The following CELF4 variants were observed in gnomAD, a reference collection of about 807,000 sequenced individuals.
CELF4 encodes the protein CUGBP Elav-like family member 4.
Under a neutral mutation model 59.9 loss-of-function variants are expected in CELF4, and 18 were observed. The observed-to-expected ratio is 0.30, with a 90% confidence interval of 0.21 to 0.45. The LOEUF (loss-of-function observed/expected upper bound fraction) is 0.45, where lower values mean the gene tolerates loss of function less well. Ranked by LOEUF, CELF4 falls within the 20% of genes least tolerant of loss-of-function variation. CELF4 has a pLI of 1.00. For synonymous variants in CELF4, 261 were observed against 267.1 expected (o/e 0.98, Z 0.22); for missense variants, 456 against 689.0 (o/e 0.66, Z 3.79).
At chr18:37,354,257 C>CT (rs1222906640) in intron 2 of CELF4, among the ~76,000 whole-genome samples, 1 of 152,136 alleles carries the variant, frequency 6.6e-6, no homozygotes, top group African/African-American at 2.4e-5. Flanking sequence ...GATGGCCAAA[C>CT]TAAGTCTAGG....
chr18:37,315,798 C>T (rs149935002), intron 3 of CELF4, among the ~76,000 whole-genome samples: 2,640 of 152,306 alleles, frequency 0.017, 40 homozygotes, highest in Non-Finnish European at 0.028. Flanking sequence ...GCCACTCGTC[C>T]CCTCCTTCAG....
chr18:37,419,815 G>C (rs1603638066), intron 2 of CELF4, among the ~76,000 whole-genome samples: 1 of 152,212 alleles, frequency 6.6e-6, no homozygotes, highest in African/African-American at 2.4e-5. Context: ...TCCTGTCTGG[G>C]TTAACAGCCC....
chr18:37,557,521 C>T (rs2099985160), intron 1 of CELF4, among the ~76,000 whole-genome samples: 1 of 152,190 alleles, frequency 6.6e-6, no homozygotes, highest in South Asian at 2.1e-4. Context: ...GTGGAATAGT[C>T]TAATACATCG....
intron 2 of CELF4, among the ~76,000 whole-genome samples, chr18:37,408,169 G>C (rs2099403084): frequency 1.3e-5 from 2 of 152,134 alleles, no homozygotes; most frequent in African/African-American, 4.8e-5. Flanking sequence ...TCCCATGCCA[G>C]GGTCTCCTGC....
intron 5 of CELF4, 142 bp from the exon 6 acceptor site, chr18:37,274,596 G>A: frequency 6.4e-7 from 1 of 1,552,936 alleles, no homozygotes; most frequent in Non-Finnish European, 8.6e-7. Context: ...GGGGAATGAG[G>A]TGTGAACCCC....
intron 2 of CELF4, among the ~76,000 whole-genome samples, chr18:37,390,807 A>AGGG (rs1004031145): frequency 3.5e-5 from 2 of 57,092 alleles, no homozygotes; most frequent in Admixed American, 1.8e-4. Flanking sequence ...TGGGGCGGGG[A>AGGG]GGGGGGGCAG....
intron 2 of CELF4, among the ~76,000 whole-genome samples, chr18:37,435,978 A>C (rs1603639107): frequency 6.6e-6 from 1 of 151,618 alleles, no homozygotes; most frequent in African/African-American, 2.4e-5. Flanking sequence ...GCACTCCAGG[A>C]CCCCCGCTGC....
chr18:37,405,576 T>A (rs1451108344), intron 2 of CELF4, among the ~76,000 whole-genome samples: 1 of 152,262 alleles, frequency 6.6e-6, no homozygotes, highest in East Asian at 1.9e-4. Context: ...ATCTTTGTGT[T>A]CCAAAATGCA....
intron 2 of CELF4, among the ~76,000 whole-genome samples, chr18:37,366,164 G>C (rs2098779490): frequency 6.6e-6 from 1 of 152,196 alleles, no homozygotes; most frequent in Non-Finnish European, 1.5e-5. Flanking sequence ...ATGCTGAGGA[G>C]GATGGTCTCT....
chr18:37,485,578 C>A lies in CELF4; in HGVS notation c.316G>T (p.Glu106Ter). 1 of 1,461,678 alleles carries A rather than the reference C, an allele frequency of 6.8e-7. No individual in the cohort carries two copies. Among genetic ancestry groups the A allele is most frequent in the South Asian group, 1.4e-5 (1 of 69,950 alleles). 90.5% of individuals were successfully genotyped at this position (1,461,678 alleles called of 1,614,324 possible). A position where few individuals can be genotyped will look rare whatever the true frequency, so the allele number is the denominator to read the frequency against. The change falls in exon 2 of 13, where the codon GAG (glutamate) becomes TAG (stop). Residue 106 changes from glutamate (E) to a stop codon, truncating the protein, a stop_gained. Transcript: ENST00000420428. LOFTEE classifies it high-confidence loss of function. The stretch of plus-strand genomic sequence containing the variant: ...GCGCTCTGGGCCTTCAGCGCTGACT[C>A]ACGCTCGCAGTAGGTGAGGAAGGCG... ...GCAFLTYCER[E>*]SALKAQSALH...
intron 2 of CELF4, among the ~76,000 whole-genome samples, chr18:37,425,613 C>T (rs1477755539): frequency 1.3e-5 from 2 of 152,258 alleles, no homozygotes; most frequent in Non-Finnish European, 2.9e-5. Flanking sequence ...GTAATTACCT[C>T]ATTAGAGCAG....
At chr18:37,252,013 A>C (rs910424573) in intron 12 of CELF4, among the ~76,000 whole-genome samples, 4 of 152,132 alleles carry the variant, frequency 2.6e-5, no homozygotes, top group Non-Finnish European at 4.4e-5. Flanking sequence ...GTGGAGGCAC[A>C]AGCACTCCCC....
chr18:37,371,941 C>G (rs1258929766), intron 2 of CELF4, among the ~76,000 whole-genome samples: 1 of 152,200 alleles, frequency 6.6e-6, no homozygotes, highest in Non-Finnish European at 1.5e-5. Context: ...TGCATGGTTT[C>G]TTTTCAATGT....
intron 3 of CELF4, among the ~76,000 whole-genome samples, chr18:37,284,504 C>CATCCAT (rs909884136): frequency 5.5e-4 from 84 of 152,148 alleles, no homozygotes; most frequent in African/African-American, 2.0e-3. Context: ...TCCTCATCCA[C>CATCCAT]GGCACCCATG....
At chr18:37,414,435 CAACT>C (rs1168070724) in intron 2 of CELF4, among the ~76,000 whole-genome samples, 3 of 151,854 alleles carry the variant, frequency 2.0e-5, no homozygotes, top group Non-Finnish European at 4.4e-5. Flanking sequence ...TCCACCTATC[CAACT>C]ATCTACTCAC....
chr18:37,555,001 T>C (rs1257906834), intron 1 of CELF4, among the ~76,000 whole-genome samples: 1 of 152,200 alleles, frequency 6.6e-6, no homozygotes, highest in Non-Finnish European at 1.5e-5. Context: ...GGCAGCACCC[T>C]GAGTCCCTGG....
chr18:37,484,235 T>G (rs1398877206), intron 2 of CELF4, among the ~76,000 whole-genome samples: 6 of 152,210 alleles, frequency 3.9e-5, no homozygotes, highest in Admixed American at 3.9e-4. Flanking sequence ...CACAAACCTT[T>G]CTCAGAAGCC....
intron 2 of CELF4, among the ~76,000 whole-genome samples, chr18:37,388,440 C>A (rs576760705): frequency 2.0e-5 from 3 of 151,440 alleles, no homozygotes; most frequent in Non-Finnish European, 4.4e-5. Context: ...CCCTCCTTCT[C>A]TCTCCTTCTT....
intron 2 of CELF4, among the ~76,000 whole-genome samples, chr18:37,455,012 C>T (rs936716107): frequency 2.0e-5 from 3 of 152,186 alleles, no homozygotes; most frequent in Admixed American, 2.0e-4. Flanking sequence ...GAGCCTTCTC[C>T]CTCAGGGATG....
Sources: allele counts gnomAD v4.1 joint callset (sites outside exome capture counted in the v4.1 genomes callset), GRCh38; gene constraint gnomAD v4.1.1; transcripts MANE v1.5; gene names NCBI Gene and HGNC (gene_info 2026-07-23, HGNC 2026-07-21).